Variants in NRG2 observed in about 807,000 individuals in gnomAD.
The protein encoded by NRG2 is neuregulin 2.
Under a neutral mutation model 73.9 loss-of-function variants are expected in NRG2, and 27 were observed. The ratio of observed to expected loss-of-function variants is 0.37; its 90% CI spans 0.27 to 0.50. The LOEUF is 0.50. NRG2 is among the 20% of genes least tolerant of loss of function. The probability of loss-of-function intolerance (pLI) is 0.96; values close to 1 mark genes in which losing one functional copy is unlikely to be tolerated. For synonymous variants in NRG2, 532 were observed against 541.0 expected (o/e 0.98, Z 0.23); for missense variants, 1,126 against 1,210.1 (o/e 0.93, Z 1.03).
At position 140,043,136 on chromosome 5, in the gene NRG2, G is replaced by T. The variant is rs1182528962; in HGVS notation, c.-67C>A. The T allele has an allele frequency of 1.7e-5, 26 of 1,530,568 alleles. No homozygotes were observed. The Admixed American group carries it at 4.3e-4, about 25-fold the overall frequency. The allele number at this position is 1,530,568 out of a possible 1,614,324, so 94.8% of individuals were successfully genotyped here. ...CGCCTTGGGAGGGGAAACAGAGCCC[G>T]CTGGAAAACCGGAAACAGCGTAACG... On this transcript the variant is annotated 5_prime_UTR_variant, in exon 1 of 10. Coordinates refer to ENST00000361474, the MANE Select transcript of NRG2 (RefSeq NM_004883.3). This position sits in a 1 kb window ranked among gnomAD's most constrained non-coding sequence, Gnocchi z 6.7.
chr5:139,871,260 T>C (rs924493976), intron 4 of NRG2: 2 of 165,328 alleles, frequency 1.2e-5, no homozygotes, highest in African/African-American at 4.8e-5. Flanking sequence ...GTGCTCTGCC[T>C]GGCCCTGCCA....
chr5:139,881,006 C>T (rs760691196), intron 2 of NRG2, 32 bp from the exon 3 acceptor site: 4 of 1,591,516 alleles, frequency 2.5e-6, no homozygotes, highest in East Asian at 2.2e-5. Context: ...GGGGGAGAGG[C>T]GTGAGCCAGG....
chr5:139,887,592 T>A lies in NRG2; in HGVS notation c.701-81A>T. The A allele has an allele frequency of 7.5e-7, 1 of 1,331,860 alleles. No homozygotes were observed. Among genetic ancestry groups the A allele is most frequent in the East Asian group, 2.4e-5 (1 of 40,892 alleles). The allele number at this position is 1,331,860 out of a possible 1,614,324, so 82.5% of individuals were successfully genotyped here. On this transcript the variant is annotated intron_variant, in intron 1 of 9. Coordinates refer to ENST00000361474, the MANE Select transcript of NRG2 (RefSeq NM_004883.3). This position sits in a 1 kb window ranked among gnomAD's most constrained non-coding sequence, Gnocchi z 4.5. ...ATGAGTAGTGGAGAGTAAGGGCCACTGTCTTTGGGCTGGAACTGGGGAAGG... is the reference window on the plus strand; with the variant it reads ...ATGAGTAGTGGAGAGTAAGGGCCACAGTCTTTGGGCTGGAACTGGGGAAGG...
chr5:139,920,910 T>A (rs989655138), intron 1 of NRG2, among the ~76,000 whole-genome samples: 3 of 152,250 alleles, frequency 2.0e-5, no homozygotes, highest in African/African-American at 7.2e-5. Flanking sequence ...GGCTGTAGGA[T>A]ACAAGGTTAA....
Position 139,848,007 on chromosome 5 carries a change from G to A in NRG2, c.2463C>T (p.Tyr821=), listed in dbSNP as rs779193933. 36 of 1,515,324 alleles carry A rather than the reference G, an allele frequency of 2.4e-5. No individual in the cohort carries two copies. The South Asian group carries it at 4.1e-4, about 17-fold the overall frequency. The allele number at this position is 1,515,324 out of a possible 1,614,324, so 93.9% of individuals were successfully genotyped here. Residue 821 remains tyrosine, a synonymous_variant, in exon 10 of 10, where the codon TAC becomes TAT. Transcript: ENST00000361474. The part of the protein sequence containing the change: ...PLCPAADSRT[Y]YSLDSHSTRA... Reference sequence around the variant, plus strand: ...GCGTGCTGTGGCTGTCCAGTGAGTAGTAAGTCCTGCTGTCGGCCGCCGGGC... The same window carrying A: ...GCGTGCTGTGGCTGTCCAGTGAGTAATAAGTCCTGCTGTCGGCCGCCGGGC...
intron 5 of NRG2, chr5:139,859,953 G>A (rs966653270): frequency 1.9e-6 from 3 of 1,605,836 alleles, no homozygotes; most frequent in Non-Finnish European, 2.6e-6. Context: ...GGGAGGGGTG[G>A]AGGGAGAGAG....
intron 1 of NRG2, among the ~76,000 whole-genome samples, chr5:139,997,708 C>T (rs1022393731): frequency 1.3e-5 from 2 of 152,260 alleles, no homozygotes; most frequent in African/African-American, 4.8e-5. Flanking sequence ...CACCCTCACT[C>T]AGCCCTCAAT....
chr5:139,900,417 A>G (rs1315054994), intron 1 of NRG2, among the ~76,000 whole-genome samples: 1 of 152,208 alleles, frequency 6.6e-6, no homozygotes, highest in Non-Finnish European at 1.5e-5. Context: ...GGAAGTCTTG[A>G]TGAGAGGATG....
rs762363445 is a variant in NRG2 at position 139,880,847 on chromosome 5, C to T, written c.991+9G>A. 3.8e-5 allele frequency: 61 copies of T among 1,611,196 alleles called. No individual in the cohort carries two copies. Among genetic ancestry groups the T allele is most frequent in the Non-Finnish European group, 4.8e-5 (56 of 1,177,634 alleles). ...TCTAGGACCCTTCCCTCTGTCTGGG[C>T]CCACCTACCGCTGTTGACGTAAAGC... On this transcript the variant is annotated intron_variant, in intron 3 of 9. Coordinates refer to ENST00000361474, the MANE Select transcript of NRG2 (RefSeq NM_004883.3).
At chr5:140,007,918 C>T (rs1286239832) in intron 1 of NRG2, among the ~76,000 whole-genome samples, 1 of 152,222 alleles carries the variant, frequency 6.6e-6, no homozygotes, top group Non-Finnish European at 1.5e-5. Context: ...AAGGATCAGG[C>T]CCAACTCACA....
chr5:140,003,002 T>A (rs1758611462), intron 1 of NRG2, among the ~76,000 whole-genome samples: 1 of 152,208 alleles, frequency 6.6e-6, no homozygotes, highest in African/African-American at 2.4e-5. Flanking sequence ...GGTCTTAACA[T>A]TTTTTGAACT....
intron 1 of NRG2, among the ~76,000 whole-genome samples, chr5:139,895,999 G>A (rs1418432909): frequency 6.6e-6 from 1 of 152,180 alleles, no homozygotes; most frequent in African/African-American, 2.4e-5. Flanking sequence ...ATCCTCTTTG[G>A]GGTGGGCCTG....
At chr5:139,964,034 C>T (rs1315299254) in intron 1 of NRG2, among the ~76,000 whole-genome samples, 1 of 152,186 alleles carries the variant, frequency 6.6e-6, no homozygotes, top group Non-Finnish European at 1.5e-5. Context: ...TGTAACATCT[C>T]TCTCTGTGCT....
chr5:140,006,196 G>A (rs943521809), intron 1 of NRG2, among the ~76,000 whole-genome samples: 1 of 152,194 alleles, frequency 6.6e-6, no homozygotes, highest in Non-Finnish European at 1.5e-5. Flanking sequence ...CTGCCCAGCT[G>A]TAACATGAAA....
intron 1 of NRG2, among the ~76,000 whole-genome samples, chr5:140,032,392 TAAAG>T (rs1310348590): frequency 1.3e-5 from 2 of 151,108 alleles, no homozygotes; most frequent in African/African-American, 4.9e-5. Flanking sequence ...TGCAAGAAAA[TAAAG>T]AAACTATGGA....
Position 139,878,019 on chromosome 5 carries a change from C to T in NRG2, c.991+2837G>A, listed in dbSNP as rs145184899. ...CCTAAACTGATCACAGCATGGCCTA[C>T]GGAGGGCTGACAGTAATCCGTGTGT... On this transcript the variant is annotated intron_variant, in intron 3 of 9. Coordinates refer to ENST00000361474, the MANE Select transcript of NRG2 (RefSeq NM_004883.3). Among the ~76,000 whole-genome samples the T allele has an allele frequency of 3.5e-3, 537 of 152,316 alleles. 2 individuals carry two copies. Among genetic ancestry groups the T allele is most frequent in the Middle Eastern group, 0.014 (4 of 294 alleles).
At chr5:139,871,421 C>G in intron 4 of NRG2, among the ~76,000 whole-genome samples, 1 of 152,096 alleles carries the variant, frequency 6.6e-6, no homozygotes, top group African/African-American at 2.4e-5. Flanking sequence ...GTGCCCAGTG[C>G]CTAGGGCATA....
chr5:139,947,842 T>G (rs73271484), intron 1 of NRG2, among the ~76,000 whole-genome samples: 1 of 152,372 alleles, frequency 6.6e-6, no homozygotes, highest in African/African-American at 2.4e-5. Flanking sequence ...TGGCCATTTG[T>G]ATAGCTCCTC....
chr5:139,939,914 C>T (rs1580779272), intron 1 of NRG2, among the ~76,000 whole-genome samples: 1 of 152,188 alleles, frequency 6.6e-6, no homozygotes, highest in East Asian at 1.9e-4. Context: ...GCAAATCAAA[C>T]CAGTGAGATA....
Sources: allele counts gnomAD v4.1 joint callset (sites outside exome capture counted in the v4.1 genomes callset), GRCh38; gene constraint gnomAD v4.1.1; non-coding constraint Gnocchi (gnomAD v3.1); transcripts MANE v1.5; gene names NCBI Gene and HGNC (gene_info 2026-07-23, HGNC 2026-07-21).